Variants in ABLIM2 observed in about 807,000 individuals in gnomAD.
ABLIM2 encodes the protein actin-binding LIM protein 2.
ABLIM2 carries 53 observed loss-of-function variants against 97.7 expected under a neutral mutation model. The observed-to-expected ratio is 0.54, with a 90% CI of 0.44 to 0.68. The LOEUF (loss-of-function observed/expected upper bound fraction) is 0.68, where lower values mean the gene tolerates loss of function less well. ABLIM2 is among the 30% of genes least tolerant of loss of function. ABLIM2 has a pLI of 0.00. For synonymous variants in ABLIM2, 361 were observed against 345.8 expected, an observed-to-expected ratio of 1.04 and a Z score of -0.49; for missense variants, 835 against 867.2, an observed-to-expected ratio of 0.96 and a Z score of 0.47.
rs1209832033 is a variant in ABLIM2 at position 8,149,650 on chromosome 4, G to C, written c.10+9030C>G. Among the ~76,000 whole-genome samples, 1 of 151,942 alleles carries C rather than the reference G, an allele frequency of 6.6e-6. No individual in the cohort carries two copies. Among genetic ancestry groups the C allele is most frequent in the Non-Finnish European group, 1.5e-5 (1 of 67,988 alleles). On this transcript the variant is annotated intron_variant, in intron 1 of 20. Transcript: ENST00000447017. This position sits in a 1 kb window ranked among gnomAD's most constrained non-coding sequence, Gnocchi z 6.4. Reference sequence around the variant, plus strand: ...GGCAGGAAGAATGCAAGGCTGTTGGGGGATCAGGGCAAAGACAGCACATAG... The same window carrying C: ...GGCAGGAAGAATGCAAGGCTGTTGGCGGATCAGGGCAAAGACAGCACATAG...
At chr4:8,109,339 C>T (rs956698930) in intron 1 of ABLIM2, among the ~76,000 whole-genome samples, 28 of 152,228 alleles carry the variant, frequency 1.8e-4, no homozygotes, top group African/African-American at 6.3e-4. Flanking sequence ...ACACCTGCCC[C>T]CCTTCATTTG....
rs551445103 is a variant in ABLIM2 at position 7,966,804 on chromosome 4, C to A, written c.*186G>T. ...GGTGGCGTGAAGCTAGCCGTCTCGG[C>A]CCTAAACTACCGGCAGGAGTGTCGC... On this transcript the variant is annotated 3_prime_UTR_variant, in exon 21 of 21. Transcript: ENST00000447017. 1.6e-5 allele frequency: 9 copies of A among 579,708 alleles called. No individual in the cohort carries two copies. Among genetic ancestry groups the A allele is most frequent in the South Asian group, 1.5e-4 (7 of 45,354 alleles). 35.9% of individuals were successfully genotyped at this position (579,708 alleles called of 1,614,324 possible).
chr4:7,976,797 A>G lies in ABLIM2; in HGVS notation c.1824+6467T>C, dbSNP rs1443073053. ...TATACACATACACACAAGTATACAC[A>G]CATACACATGTATACACACATAGAC... On this transcript the variant is annotated intron_variant, in intron 20 of 20. Coordinates refer to ENST00000447017, the MANE Select transcript of ABLIM2 (RefSeq NM_001130083.2). Among the ~76,000 whole-genome samples, 5 of 152,240 alleles carry G rather than the reference A, an allele frequency of 3.3e-5. No homozygotes were observed. In the South Asian group the frequency reaches 1.0e-3, roughly 32 times the overall value.
chr4:8,055,875 G>A (rs1372469892), intron 7 of ABLIM2, among the ~76,000 whole-genome samples: 1 of 152,094 alleles, frequency 6.6e-6, no homozygotes, highest in African/African-American at 2.4e-5. Flanking sequence ...CACTTCAGGA[G>A]GCCAAGGTGG....
intron 20 of ABLIM2, among the ~76,000 whole-genome samples, chr4:7,967,863 T>A (rs1724218463): frequency 6.6e-6 from 1 of 152,230 alleles, no homozygotes; most frequent in South Asian, 2.1e-4. Flanking sequence ...CAGCACTGGC[T>A]GTGGACTGTA....
chr4:7,981,582 G>C (rs142265252), intron 20 of ABLIM2, among the ~76,000 whole-genome samples: 347 of 152,234 alleles, frequency 2.3e-3, no homozygotes, highest in African/African-American at 7.9e-3. Flanking sequence ...CACTTTTCAT[G>C]GACACAGTAA....
chr4:7,990,289 G>A (rs1050346060), intron 17 of ABLIM2, among the ~76,000 whole-genome samples: 11 of 152,170 alleles, frequency 7.2e-5, no homozygotes, highest in South Asian at 2.1e-4. Context: ...CTCTGCCTCC[G>A]AGGTTCAAGC....
At chr4:7,990,456 G>T (rs184690745) in intron 17 of ABLIM2, among the ~76,000 whole-genome samples, 44 of 152,242 alleles carry the variant, frequency 2.9e-4, no homozygotes, top group African/African-American at 1.0e-3. Context: ...AAAGTGCTGA[G>T]ATTACAGGTA....
chr4:7,980,469 C>T (rs1363948885), intron 20 of ABLIM2, among the ~76,000 whole-genome samples: 1 of 152,130 alleles, frequency 6.6e-6, no homozygotes, highest in Non-Finnish European at 1.5e-5. Flanking sequence ...AATCCCAGCA[C>T]TTTGGGAGGC....
chr4:8,024,527 G>A (rs1776103244), intron 12 of ABLIM2, among the ~76,000 whole-genome samples: 1 of 152,186 alleles, frequency 6.6e-6, no homozygotes, highest in African/African-American at 2.4e-5. Context: ...AAACAGGAAG[G>A]GCTTTCCCAG....
intron 2 of ABLIM2, among the ~76,000 whole-genome samples, chr4:8,102,546 T>C (rs1344008623): frequency 6.6e-6 from 1 of 152,202 alleles, no homozygotes; most frequent in Non-Finnish European, 1.5e-5. Context: ...AATAAATAGT[T>C]ATTGAATGAC....
At chr4:8,109,941 G>A (rs1839488593) in intron 1 of ABLIM2, among the ~76,000 whole-genome samples, 1 of 152,232 alleles carries the variant, frequency 6.6e-6, no homozygotes, top group Admixed American at 6.5e-5. Flanking sequence ...TTTGCCTGCG[G>A]AGTCATTGTA....
chr4:7,973,852 G>C (rs28608482), intron 20 of ABLIM2, among the ~76,000 whole-genome samples: 40,362 of 152,082 alleles, frequency 0.27, 5,657 homozygotes, highest in Middle Eastern at 0.36. Flanking sequence ...GGGCTGTGGG[G>C]CCCAGTTGTT....
At chr4:8,143,268 C>A (rs1851308640) in intron 1 of ABLIM2, among the ~76,000 whole-genome samples, 1 of 152,054 alleles carries the variant, frequency 6.6e-6, no homozygotes, top group African/African-American at 2.4e-5. Flanking sequence ...GCGGTCTCCA[C>A]CCCTCTAAGG....
intron 20 of ABLIM2, among the ~76,000 whole-genome samples, chr4:7,968,134 G>T (rs960683112): frequency 6.6e-6 from 1 of 152,258 alleles, no homozygotes; most frequent in Non-Finnish European, 1.5e-5. Flanking sequence ...CCCTCGCCTC[G>T]CCTGGGCGGG....
chr4:8,151,299 C>A (rs1712649519), intron 1 of ABLIM2, among the ~76,000 whole-genome samples: 1 of 152,174 alleles, frequency 6.6e-6, no homozygotes, highest in South Asian at 2.1e-4. Flanking sequence ...TGTTGTAGGC[C>A]TGGAAGCTGC....
rs776199866 is a variant in ABLIM2, at chr4:7,992,785, G to A, written c.1680+81C>T. 2 of 1,496,480 alleles carry A rather than the reference G, an allele frequency of 1.3e-6. No individual in the cohort carries two copies. Among genetic ancestry groups the A allele is most frequent in the African/African-American group, 2.8e-5 (2 of 72,158 alleles). 92.7% of individuals were successfully genotyped at this position (1,496,480 alleles called of 1,614,324 possible). ...TCCCCGGGGCCTCTCCTCCTGCTGTGTGGTCAAGAAGCTGTGGGAAACGTG... is the reference window on the plus strand; with the variant it reads ...TCCCCGGGGCCTCTCCTCCTGCTGTATGGTCAAGAAGCTGTGGGAAACGTG... On this transcript the variant is annotated intron_variant, in intron 17 of 20. Transcript: ENST00000447017. This position sits in a 1 kb window ranked among gnomAD's most constrained non-coding sequence, Gnocchi z 5.7.
At chr4:8,018,338 C>T (rs903247996) in intron 14 of ABLIM2, among the ~76,000 whole-genome samples, 1 of 152,210 alleles carries the variant, frequency 6.6e-6, no homozygotes, top group Admixed American at 6.5e-5. Context: ...GATGGAAAGC[C>T]AGTCACTTAC....
chr4:8,155,810 C>T lies in ABLIM2; in HGVS notation c.10+2870G>A, dbSNP rs1715121561. 6.6e-6 allele frequency among the ~76,000 whole-genome samples: 1 copy of T among 151,796 alleles called. No homozygotes were observed. Among genetic ancestry groups the T allele is most frequent in the Admixed American group, 6.6e-5 (1 of 15,254 alleles). On this transcript the variant is annotated intron_variant, in intron 1 of 20. Transcript: ENST00000447017. The surrounding 1 kb of genome is among the most constrained non-coding windows in gnomAD (Gnocchi z 4.2). ...ACAAAGGGAAGACGGGGCGAGGACA[C>T]AGACACACACAAAGGGAAGACGGGG...
Sources: allele counts gnomAD v4.1 joint callset (sites outside exome capture counted in the v4.1 genomes callset), GRCh38; gene constraint gnomAD v4.1.1; non-coding constraint Gnocchi (gnomAD v3.1); transcripts MANE v1.5; gene names NCBI Gene and HGNC (gene_info 2026-07-23, HGNC 2026-07-21).